The following DOP1B variants were observed in gnomAD, a reference collection of about 807,000 sequenced individuals.
DOP1B encodes protein DOP1B.
In DOP1B, 174 loss-of-function variants were observed where a neutral mutation model predicts 233.5. The observed-to-expected ratio is 0.75, with a 90% CI of 0.66 to 0.85. The LOEUF (loss-of-function observed/expected upper bound fraction) is 0.85, where lower values mean the gene tolerates loss of function less well. Among genes scored for constraint, DOP1B ranks in the 40% least tolerant of loss-of-function variants. DOP1B has a pLI of 0.00. For synonymous variants in DOP1B, 1,190 were observed against 1,185.6 expected (o/e 1.00, Z -0.08); for missense variants, 2,652 against 2,846.6 (o/e 0.93, Z 1.56).
In DOP1B at chr21:36,232,985, C is replaced by T. The variant is rs756546014; in HGVS notation, c.2532C>T (p.Asn844=). The T allele has an allele frequency of 1.2e-6, 2 of 1,614,110 alleles. No individual in the cohort carries two copies. The highest frequency in any genetic ancestry group is 2.7e-5 in the African/African-American group (2 of 75,010). ...KMKRYKSSGH[N]PFFGKLQMVT... is the part of the protein sequence containing the mutation. ...AACGCTATAAGAGCTCTGGACACAA[C>T]CCTTTTTTTGGCAAGCTGCAGATGG... The change falls in exon 15 of 37, where the codon AAC becomes AAT. Residue 844 remains asparagine (N), a synonymous_variant. Transcript: ENST00000691173.
At chr21:36,227,407 CGTG>C (rs1357374952) in intron 12 of DOP1B, among the ~76,000 whole-genome samples, 4 of 141,216 alleles carry the variant, frequency 2.8e-5, no homozygotes, top group Non-Finnish European at 4.6e-5. Context: ...ATTAGCCGGG[CGTG>C]GTGGTGGGCA....
In DOP1B at chr21:36,230,497, A is replaced by G. The variant is rs1481872269; in HGVS notation, c.1713A>G (p.Ala571=). 1.9e-6 allele frequency: 3 copies of G among 1,612,872 alleles called. No homozygotes were observed. Among genetic ancestry groups the G allele is most frequent in the Non-Finnish European group, 2.5e-6 (3 of 1,179,010 alleles). The stretch of plus-strand genomic sequence containing the variant: ...GCAAAATAATTTTGGAAACAAAGGC[A>G]GTGATTCCCGGTGACGAAGATGCTT... ...ENGKIILETK[A]VIPGDEDASF... The change falls in exon 14 of 37, where the codon GCA becomes GCG. Residue 571 remains alanine (A), a synonymous_variant. Transcript: ENST00000691173.
rs141946977 is a variant in DOP1B, at chr21:36,200,955, C to T, written c.491+454C>T. On this transcript the variant is annotated intron_variant, in intron 4 of 36. Coordinates refer to ENST00000691173, the MANE Select transcript of DOP1B (RefSeq NM_001320714.2). ...GGTGGTTGTGATTTCAAATTCCTCC[C>T]GGGAATCTCTCTTGTCTCTTTACCA... is the stretch of plus-strand genomic sequence containing the variant. Among the ~76,000 whole-genome samples the T allele has an allele frequency of 5.3e-5, 8 of 152,216 alleles. No individual in the cohort carries two copies. The East Asian group carries it at 1.5e-3, about 29-fold the overall frequency.
At position 36,230,464 on chromosome 21, in the gene DOP1B, T is replaced by G; in HGVS notation, c.1680T>G (p.Gly560=). 2 of 1,609,126 alleles carry G rather than the reference T, an allele frequency of 1.2e-6. No homozygotes were observed. The highest frequency in any genetic ancestry group is 1.1e-5 in the South Asian group (1 of 91,022). The part of the protein sequence containing the change: ...STSGTSSPVK[G]ENGKIILETK... ...ATTTTTTACAGAGTCCAGTAAAAGG[T>G]GAAAACGGCAAAATAATTTTGGAAA... The change falls in exon 14 of 37, where the codon GGT becomes GGG. Residue 560 remains glycine, a synonymous_variant. Transcript: ENST00000691173.
intron 1 of DOP1B, among the ~76,000 whole-genome samples, chr21:36,160,723 C>A (rs998655324): frequency 6.6e-6 from 1 of 152,208 alleles, no homozygotes; most frequent in Non-Finnish European, 1.5e-5. Context: ...GGTGATCCAC[C>A]CGCCTCGGCC....
intron 2 of DOP1B, among the ~76,000 whole-genome samples, chr21:36,177,165 T>C (rs530659569): frequency 6.6e-6 from 1 of 152,266 alleles, no homozygotes; most frequent in Admixed American, 6.5e-5. Context: ...TTGCTGTCGT[T>C]CTGTTGTGGG....
chr21:36,222,880 T>TA (rs2066642716), intron 10 of DOP1B, among the ~76,000 whole-genome samples: 1 of 151,954 alleles, frequency 6.6e-6, no homozygotes, highest in African/African-American at 2.4e-5. Flanking sequence ...GGATTACAGG[T>TA]ATCCGCCATC....
intron 32 of DOP1B, among the ~76,000 whole-genome samples, chr21:36,284,452 G>A (rs975141508): frequency 4.0e-5 from 6 of 151,054 alleles, no homozygotes; most frequent in Non-Finnish European, 7.4e-5. Flanking sequence ...TGTATTTTTA[G>A]TAGAGACAGG....
intron 3 of DOP1B, 152 bp from the exon 4 acceptor site, chr21:36,200,179 T>A (rs2066344502): frequency 9.9e-7 from 1 of 1,008,464 alleles, no homozygotes. Context: ...AACAGTGTTT[T>A]GTGACCATCT....
rs534162375 is a variant in DOP1B, at chr21:36,290,468, C to T, written c.6515+1262C>T. Among the ~76,000 whole-genome samples, 786 of 151,998 alleles carry T rather than the reference C, an allele frequency of 5.2e-3. 1 individual carries two copies. Among genetic ancestry groups the T allele is most frequent in the South Asian group, 0.017 (82 of 4,802 alleles). ...TTGAGGCCAGGAGTTCAAGACCAGC[C>T]CGGCCAACATGGTGAAAAACCCTGT... On this transcript the variant is annotated intron_variant, in intron 35 of 36. Coordinates refer to ENST00000691173, the MANE Select transcript of DOP1B (RefSeq NM_001320714.2).
intron 2 of DOP1B, chr21:36,169,740 CT>C: frequency 8.8e-7 from 1 of 1,141,938 alleles, no homozygotes. Context: ...CTGAAGTCTT[CT>C]CCAGCTGCTT....
chr21:36,207,450 G>T (rs1329705873), intron 4 of DOP1B, among the ~76,000 whole-genome samples: 2 of 150,386 alleles, frequency 1.3e-5, no homozygotes, highest in Non-Finnish European at 2.9e-5. Flanking sequence ...CTCCCCGAGT[G>T]CTGGGATTAC....
intron 2 of DOP1B, among the ~76,000 whole-genome samples, chr21:36,167,489 T>C (rs1268016200): frequency 1.3e-5 from 2 of 152,230 alleles, no homozygotes; most frequent in Non-Finnish European, 2.9e-5. Context: ...AGCATATTTA[T>C]TGTTGGGGAG....
Position 36,288,645 on chromosome 21 carries a change from C to T in DOP1B, c.6298-111C>T, listed in dbSNP as rs186911292. 7.9e-4 allele frequency: 629 copies of T among 797,090 alleles called. 5 individuals are homozygous for T. In the African/African-American group the frequency reaches 8.9e-3, roughly 11 times the overall value. The allele number at this position is 797,090 out of a possible 1,614,324, so 49.4% of individuals were successfully genotyped here. Reference sequence around the variant, plus strand: ...CAGACTGGGTGACAGAGTAAGACCCCGTCTTATTCATTCATTCATAAATTA... The same window carrying T: ...CAGACTGGGTGACAGAGTAAGACCCTGTCTTATTCATTCATTCATAAATTA... On this transcript the variant is annotated intron_variant, in intron 33 of 36. Coordinates refer to ENST00000691173, the MANE Select transcript of DOP1B (RefSeq NM_001320714.2).
At chr21:36,258,127 G>A (rs1266134396) in intron 23 of DOP1B, among the ~76,000 whole-genome samples, 1 of 152,040 alleles carries the variant, frequency 6.6e-6, no homozygotes, top group Non-Finnish European at 1.5e-5. Context: ...TATGATTTTA[G>A]AGTGTTAAAG....
chr21:36,275,962 G>A lies in DOP1B; in HGVS notation c.5633-1059G>A, dbSNP rs114546106. ...CTCAGGGACTGGAAAGCTGTCCTAGGATGCAGGAAAATGCCAGAGGGGTGG... is the reference window on the plus strand; with the variant it reads ...CTCAGGGACTGGAAAGCTGTCCTAGAATGCAGGAAAATGCCAGAGGGGTGG... On this transcript the variant is annotated intron_variant, in intron 27 of 36. Transcript: ENST00000691173. 4.4e-3 allele frequency among the ~76,000 whole-genome samples: 664 copies of A among 152,224 alleles called. 9 individuals carry two copies. Among genetic ancestry groups the A allele is most frequent in the African/African-American group, 0.015 (636 of 41,564 alleles).
intron 12 of DOP1B, 63 bp from the exon 13 acceptor site, chr21:36,227,623 G>A: frequency 7.4e-7 from 1 of 1,344,706 alleles, no homozygotes; most frequent in Non-Finnish European, 9.9e-7. Context: ...GCCATTTTGA[G>A]ATGCATTGTT....
chr21:36,240,083 T>G, intron 18 of DOP1B, 128 bp downstream of exon 18: 1 of 1,141,942 alleles, frequency 8.8e-7, no homozygotes, highest in Non-Finnish European at 1.2e-6. Flanking sequence ...CTTTGTAAAT[T>G]GTGAGGACTT....
rs772382700 is a variant in DOP1B, at chr21:36,278,277, C to T, written c.5891C>T (p.Thr1964Ile). Reference sequence around the variant, plus strand: ...AGCTCCCTGAGTGGCTATGCCTACACAAAGCGAGCCTGGAGGAAGGAGGTC... The same window carrying T: ...AGCTCCCTGAGTGGCTATGCCTACATAAAGCGAGCCTGGAGGAAGGAGGTC... Reference protein sequence around the residue: ...LLSSLSGYAYTKRAWRKEVLE... With the variant: ...LLSSLSGYAYIKRAWRKEVLE... Residue 1964 changes from threonine (T) to isoleucine (I), a missense_variant, in exon 30 of 37, where the codon ACA becomes ATA. Thr to Ile is a moderately conservative substitution (Grantham distance 89). Transcript: ENST00000691173. The T allele has an allele frequency of 1.2e-6, 2 of 1,614,138 alleles. No individual in the cohort carries two copies. The highest frequency in any genetic ancestry group is 8.5e-7 in the Non-Finnish European group (1 of 1,180,034).
Sources: allele counts gnomAD v4.1 joint callset (sites outside exome capture counted in the v4.1 genomes callset), GRCh38; gene constraint gnomAD v4.1.1; transcripts MANE v1.5; gene names NCBI Gene and HGNC (gene_info 2026-07-23, HGNC 2026-07-21).